SETDB2: variants seen among roughly 807,000 people sequenced by gnomAD.
SETDB2 encodes the protein SET domain bifurcated histone lysine methyltransferase 2, also known as histone-lysine N-methyltransferase SETDB2.
Under a neutral mutation model 82.5 loss-of-function variants are expected in SETDB2, and 56 were observed. That is an observed-to-expected ratio of 0.68 (90% CI 0.55 to 0.85). The LOEUF is 0.85. SETDB2 is among the 40% of genes least tolerant of loss of function. The pLI is 0.00. For synonymous variants in SETDB2, 272 were observed against 284.9 expected, an observed-to-expected ratio of 0.95 and a Z score of 0.46; for missense variants, 677 against 816.4, an observed-to-expected ratio of 0.83 and a Z score of 2.08.
At position 49,470,966 on chromosome 13, in the gene SETDB2, C is replaced by CTTTCTTTTTTTTTTTTTTT. The variant is rs10695231; in HGVS notation, c.305+3009_305+3010insCTTTTTTTTTTTTTTTTTT. Among the ~76,000 whole-genome samples the CTTTCTTTTTTTTTTTTTTT allele has an allele frequency of 8.7e-5, 7 of 80,484 alleles. 1 individual carries two copies. Among genetic ancestry groups the CTTTCTTTTTTTTTTTTTTT allele is most frequent in the South Asian group, 8.9e-4 (2 of 2,256 alleles). The allele number at this position is 80,484 out of a possible 152,430, so 52.8% of individuals were successfully genotyped here. On this transcript the variant is annotated intron_variant, in intron 5 of 13. Coordinates refer to ENST00000611815, the MANE Select transcript of SETDB2 (RefSeq NM_001160308.3). The stretch of plus-strand genomic sequence containing the variant: ...GTTTTTTTGTTTTCTTTCTTTCTTT[C>CTTTCTTTTTTTTTTTTTTT]TTTTTTTTTTTTTTTTTTGAGACAG...
chr13:49,453,231 CTTTA>C (rs905775989), intron 2 of SETDB2, among the ~76,000 whole-genome samples: 2 of 151,356 alleles, frequency 1.3e-5, no homozygotes, highest in African/African-American at 4.8e-5. Context: ...GCCAGTACTA[CTTTA>C]TTTATTTTGT....
intron 5 of SETDB2, among the ~76,000 whole-genome samples, chr13:49,470,139 A>C (rs1174742344): frequency 2.6e-5 from 4 of 152,142 alleles, no homozygotes; most frequent in Non-Finnish European, 5.9e-5. Flanking sequence ...AGAAAAATTG[A>C]GTTGGTTTCT....
At chr13:49,458,992 C>G (rs550988991) in intron 2 of SETDB2, among the ~76,000 whole-genome samples, 1 of 152,228 alleles carries the variant, frequency 6.6e-6, no homozygotes, top group Non-Finnish European at 1.5e-5. Flanking sequence ...AGCACCAGTT[C>G]TCATCCATTT....
chr13:49,454,002 G>A (rs1957831273), intron 2 of SETDB2, among the ~76,000 whole-genome samples: 1 of 152,010 alleles, frequency 6.6e-6, no homozygotes. Context: ...ATTACCACGT[G>A]GATCATTTTA....
chr13:49,452,973 T>C (rs1253763662), intron 2 of SETDB2, among the ~76,000 whole-genome samples: 3 of 152,178 alleles, frequency 2.0e-5, no homozygotes, highest in East Asian at 1.9e-4. Context: ...TTCTCCACTG[T>C]AAAGTTACTC....
intron 5 of SETDB2, 26 bp from the exon 6 acceptor site, chr13:49,476,450 T>A: frequency 7.1e-7 from 1 of 1,401,036 alleles, no homozygotes; most frequent in East Asian, 2.3e-5. Context: ...AAATTTGAGA[T>A]ACTAATGAAT....
chr13:49,491,061 A>G, intron 13 of SETDB2, 151 bp downstream of exon 13: 1 of 528,604 alleles, frequency 1.9e-6, no homozygotes, highest in Non-Finnish European at 3.3e-6. Flanking sequence ...AAGACCAGCC[A>G]GAGCCACATG....
intron 2 of SETDB2, among the ~76,000 whole-genome samples, chr13:49,454,021 A>G (rs997834355): frequency 2.6e-5 from 4 of 151,978 alleles, no homozygotes; most frequent in African/African-American, 9.7e-5. Context: ...TAGTCTCCTC[A>G]CCTTATCTGT....
chr13:49,450,279 T>G (rs921614232), intron 1 of SETDB2, among the ~76,000 whole-genome samples: 4 of 152,208 alleles, frequency 2.6e-5, no homozygotes, highest in Non-Finnish European at 5.9e-5. Flanking sequence ...ATTTTTTGCC[T>G]CCTCTTGTTT....
At chr13:49,480,182 T>C in intron 6 of SETDB2, 37 bp from the exon 7 acceptor site, 1 of 1,387,918 alleles carries the variant, frequency 7.2e-7, no homozygotes, top group Non-Finnish European at 1.0e-6. Context: ...GACTTGCTGC[T>C]TTTTCATTCT....
chr13:49,453,377 A>C (rs1345360386), intron 2 of SETDB2, among the ~76,000 whole-genome samples: 1 of 151,392 alleles, frequency 6.6e-6, no homozygotes, highest in Non-Finnish European at 1.5e-5. Flanking sequence ...GCTCACTGCA[A>C]CCTCTGCCTC....
Position 49,479,499 on chromosome 13 carries a change from A to T in SETDB2, c.870-720A>T, listed in dbSNP as rs76530863. On this transcript the variant is annotated intron_variant, in intron 6 of 13. Transcript: ENST00000611815. ...AGCAGCCACCATTCTGATGTGTATTAATTAATACAGAAAATACAGAAGAGA... is the reference window on the plus strand; with the variant it reads ...AGCAGCCACCATTCTGATGTGTATTTATTAATACAGAAAATACAGAAGAGA... Among the ~76,000 whole-genome samples the T allele has an allele frequency of 1.7e-3, 252 of 152,298 alleles. 1 individual carries two copies. The highest frequency in any genetic ancestry group is 5.9e-3 in the African/African-American group (247 of 41,556).
intron 4 of SETDB2, among the ~76,000 whole-genome samples, chr13:49,461,455 T>G (rs1957990474): frequency 6.6e-6 from 1 of 152,222 alleles, no homozygotes; most frequent in African/African-American, 2.4e-5. Context: ...ATTCTAACTT[T>G]AAAACACTAT....
intron 2 of SETDB2, among the ~76,000 whole-genome samples, chr13:49,456,210 C>A (rs114729156): frequency 0.011 from 1,711 of 152,122 alleles, 29 homozygotes; most frequent in African/African-American, 0.039. Context: ...CCCTATAAGC[C>A]CCTTACTACA....
intron 1 of SETDB2, among the ~76,000 whole-genome samples, chr13:49,448,047 T>C (rs57400318): frequency 9.4e-4 from 143 of 152,266 alleles, no homozygotes; most frequent in African/African-American, 3.3e-3. Flanking sequence ...TAGCTTCCCA[T>C]ATTTTTCCTG....
chr13:49,467,044 A>G (rs1308454560), intron 4 of SETDB2, among the ~76,000 whole-genome samples: 1 of 152,122 alleles, frequency 6.6e-6, no homozygotes, highest in Non-Finnish European at 1.5e-5. Flanking sequence ...TTGAAATACA[A>G]TATCCTTTTA....
chr13:49,473,579 A>C (rs1186476939), intron 5 of SETDB2, among the ~76,000 whole-genome samples: 2 of 151,150 alleles, frequency 1.3e-5, no homozygotes, highest in African/African-American at 4.9e-5. Flanking sequence ...AAAAATTCAT[A>C]GGCAAAATGT....
chr13:49,476,589 T>G lies in SETDB2; in HGVS notation c.419T>G (p.Leu140Arg). The G allele has an allele frequency of 6.2e-7, 1 of 1,614,234 alleles. No homozygotes were observed. The highest frequency in any genetic ancestry group is 8.5e-7 in the Non-Finnish European group (1 of 1,180,046). ...YQSHDCSGAC[L>R]MKMPLNLKGE... is the part of the protein sequence containing the mutation. ...AGTCATGACTGCTCTGGTGCTTGTCTGATGAAAATGCCACTGAACTTGAAG... is the reference window on the plus strand; with the variant it reads ...AGTCATGACTGCTCTGGTGCTTGTCGGATGAAAATGCCACTGAACTTGAAG... The change falls in exon 6 of 14, where the codon CTG (leucine) becomes CGG (arginine). Residue 140 changes from leucine to arginine, a missense_variant. Coordinates refer to ENST00000611815, the MANE Select transcript of SETDB2 (RefSeq NM_001160308.3).
At chr13:49,486,759 A>G (rs1958605924) in intron 11 of SETDB2, among the ~76,000 whole-genome samples, 1 of 152,228 alleles carries the variant, frequency 6.6e-6, no homozygotes, top group Admixed American at 6.5e-5. Flanking sequence ...GCCATAGTTA[A>G]TATTACAACT....
Sources: allele counts gnomAD v4.1 joint callset (sites outside exome capture counted in the v4.1 genomes callset), GRCh38; gene constraint gnomAD v4.1.1; transcripts MANE v1.5; gene names NCBI Gene and HGNC (gene_info 2026-07-23, HGNC 2026-07-21).